The following TAS2R1 variants were observed in gnomAD, a reference collection of about 807,000 sequenced individuals.
The protein encoded by TAS2R1 is taste receptor type 2 member 1.
For missense variants in TAS2R1, 370 were observed against 353.4 expected (o/e 1.05, Z -0.38); for synonymous variants, 141 against 134.2 (o/e 1.05, Z -0.35).
chr5:9,659,421 CT>C (rs1740482953), exon 2 of TAS2R1: 1 of 151,984 alleles, frequency 6.6e-6, no homozygotes, highest in Non-Finnish European at 1.5e-5. Flanking sequence ...CAGGTTTCAC[CT>C]TCCTCACTAG....
the TAS2R1 span, among the ~76,000 whole-genome samples, chr5:9,863,308 C>T: frequency 6.7e-6 from 1 of 149,382 alleles, no homozygotes; most frequent in Non-Finnish European, 1.5e-5. Flanking sequence ...CGCTCTATCG[C>T]CCAGACTGGA....
At chr5:9,822,332 G>A in the TAS2R1 span, among the ~76,000 whole-genome samples, 1 of 147,020 alleles carries the variant, frequency 6.8e-6, no homozygotes, top group East Asian at 2.0e-4. Flanking sequence ...AATATGTAAT[G>A]TATGCATGTG....
intron 2 of TAS2R1, among the ~76,000 whole-genome samples, chr5:9,635,941 T>A (rs1561365525): frequency 6.6e-6 from 1 of 152,102 alleles, no homozygotes; most frequent in Admixed American, 6.6e-5. Context: ...CATTTAATTC[T>A]GCTCTGATAT....
At chr5:9,663,333 T>C (rs1284049534) in intron 1 of TAS2R1, among the ~76,000 whole-genome samples, 1 of 152,170 alleles carries the variant, frequency 6.6e-6, no homozygotes, top group African/African-American at 2.4e-5. Flanking sequence ...AGTAGAAATA[T>C]ATTTTAATTG....
chr5:9,701,529 GA>G (rs1579790949), intron 1 of TAS2R1, among the ~76,000 whole-genome samples: 1 of 151,638 alleles, frequency 6.6e-6, no homozygotes, highest in Non-Finnish European at 1.5e-5. Context: ...AATGACAAAG[GA>G]AAAAAATGCC....
At chr5:9,901,730 C>A in the TAS2R1 span, among the ~76,000 whole-genome samples, 22 of 152,120 alleles carry the variant, frequency 1.4e-4, no homozygotes, top group African/African-American at 5.1e-4. Flanking sequence ...CGATGTGGAT[C>A]CAGGCCGGAG....
At chr5:9,838,930 T>G in the TAS2R1 span, among the ~76,000 whole-genome samples, 1 of 152,170 alleles carries the variant, frequency 6.6e-6, no homozygotes, top group Non-Finnish European at 1.5e-5. Context: ...GCTGGATGGT[T>G]AGAAGGCTCT....
chr5:9,793,648 T>C, the TAS2R1 span, among the ~76,000 whole-genome samples: 1 of 152,114 alleles, frequency 6.6e-6, no homozygotes, highest in Non-Finnish European at 1.5e-5. Flanking sequence ...TCCTTCAGCA[T>C]TGGATGTGGT....
chr5:9,774,383 T>C, the TAS2R1 span, among the ~76,000 whole-genome samples: 1 of 152,260 alleles, frequency 6.6e-6, no homozygotes, highest in Non-Finnish European at 1.5e-5. Flanking sequence ...GAATTCTCTG[T>C]CTGAAAGATC....
chr5:9,693,547 A>AGAG (rs1554054256), intron 1 of TAS2R1, among the ~76,000 whole-genome samples: 1 of 136,744 alleles, frequency 7.3e-6, no homozygotes, highest in Non-Finnish European at 1.5e-5. Context: ...AAAAAAAAAA[A>AGAG]AGAGAGAGAA....
At chr5:9,685,114 T>C (rs1741100958) in intron 1 of TAS2R1, among the ~76,000 whole-genome samples, 1 of 151,948 alleles carries the variant, frequency 6.6e-6, no homozygotes, top group African/African-American at 2.4e-5. Context: ...AGCAGAAGGG[T>C]CTGGATTAGC....
chr5:9,814,999 G>A, the TAS2R1 span, among the ~76,000 whole-genome samples: 31 of 152,300 alleles, frequency 2.0e-4, no homozygotes, highest in African/African-American at 6.0e-4. Context: ...TTCACATGGC[G>A]TGTCGGAGAA....
At chr5:9,789,449 G>C in the TAS2R1 span, among the ~76,000 whole-genome samples, 11 of 152,274 alleles carry the variant, frequency 7.2e-5, no homozygotes, top group East Asian at 1.7e-3. Flanking sequence ...CATGTGAAAC[G>C]GGATAGGATC....
At chr5:9,776,474 C>T in the TAS2R1 span, among the ~76,000 whole-genome samples, 2 of 152,102 alleles carry the variant, frequency 1.3e-5, no homozygotes, top group African/African-American at 4.8e-5. Flanking sequence ...TGTTTCTATC[C>T]AGAGTAATTT....
chr5:9,715,835 CA>C (rs1417068839), upstream of TAS2R1, among the ~76,000 whole-genome samples: 6 of 152,174 alleles, frequency 3.9e-5, no homozygotes, highest in African/African-American at 7.2e-5. Context: ...GAGATGCCTT[CA>C]GTGAGCAGGG....
chr5:9,899,439 C>T, the TAS2R1 span, among the ~76,000 whole-genome samples: 4 of 152,102 alleles, frequency 2.6e-5, no homozygotes, highest in African/African-American at 9.7e-5. Context: ...GAGTTCAAGA[C>T]CAGCCTAACC....
the TAS2R1 span, among the ~76,000 whole-genome samples, chr5:9,746,969 G>A: frequency 1.3e-5 from 2 of 152,104 alleles, no homozygotes; most frequent in Admixed American, 6.6e-5. Flanking sequence ...CAGGGTAAGT[G>A]TACAGATTGA....
chr5:9,777,801 CTG>C, the TAS2R1 span, among the ~76,000 whole-genome samples: 2 of 151,986 alleles, frequency 1.3e-5, no homozygotes, highest in Non-Finnish European at 1.5e-5. Flanking sequence ...CAGATTGATG[CTG>C]TGTTAGCAGG....
chr5:9,863,263 GA>G, the TAS2R1 span, among the ~76,000 whole-genome samples: 1 of 142,088 alleles, frequency 7.0e-6, no homozygotes. Context: ...GAGACCCAAA[GA>G]TTTTTTTTTT....
Sources: allele counts gnomAD v4.1 joint callset (sites outside exome capture counted in the v4.1 genomes callset), GRCh38; gene constraint gnomAD v4.1.1; transcripts MANE v1.5; gene names NCBI Gene and HGNC (gene_info 2026-07-23, HGNC 2026-07-21).